The following PCDHAC1 variants were observed in gnomAD, a reference collection of about 807,000 sequenced individuals.
PCDHAC1 encodes protocadherin alpha subfamily C, 1, also known as protocadherin alpha-C1.
PCDHAC1 carries 42 observed loss-of-function variants against 60.0 expected under a neutral mutation model. The observed-to-expected ratio is 0.70, with a 90% CI of 0.55 to 0.90. PCDHAC1 has a LOEUF of 0.90. PCDHAC1 is among the 40% of genes least tolerant of loss of function. PCDHAC1 has a pLI of 0.00. For synonymous variants in PCDHAC1, 468 were observed against 499.3 expected, an observed-to-expected ratio of 0.94 and a Z score of 0.84; for missense variants, 1,160 against 1,222.3, an observed-to-expected ratio of 0.95 and a Z score of 0.76.
chr5:140,958,873 A>G (rs1554223676), intron 1 of PCDHAC1, among the ~76,000 whole-genome samples: 1 of 152,100 alleles, frequency 6.6e-6, no homozygotes, highest in East Asian at 1.9e-4. Context: ...TTTATAAAAG[A>G]ATTGACCAGT....
intron 1 of PCDHAC1, among the ~76,000 whole-genome samples, chr5:140,933,894 A>G (rs2089494206): frequency 6.6e-6 from 1 of 151,894 alleles, no homozygotes; most frequent in Non-Finnish European, 1.5e-5. Context: ...ACTTTTGAAT[A>G]TTTTGGCATA....
In PCDHAC1 at chr5:140,926,570, G is replaced by A. The variant is rs2083360845; in HGVS notation, c.-323G>A. 1 of 267,246 alleles carries A rather than the reference G, an allele frequency of 3.7e-6. No homozygotes were observed. The highest frequency in any genetic ancestry group is 2.2e-5 in the African/African-American group (1 of 45,090). 16.6% of individuals were successfully genotyped at this position (267,246 alleles called of 1,614,324 possible). A position where few individuals can be genotyped will look rare whatever the true frequency, so the allele number is the denominator to read the frequency against. Reference sequence around the variant, plus strand: ...GAGACCCCAGCCCGCTGCTACTGGAGACAGCACCTCTCGCGCCCGGGCGGG... The same window carrying A: ...GAGACCCCAGCCCGCTGCTACTGGAAACAGCACCTCTCGCGCCCGGGCGGG... On this transcript the variant is annotated 5_prime_UTR_variant, in exon 1 of 4. Coordinates refer to ENST00000253807, the MANE Select transcript of PCDHAC1 (RefSeq NM_018898.5).
chr5:140,941,214 C>CTTTCTTTCTTT (rs1554214039), intron 1 of PCDHAC1, among the ~76,000 whole-genome samples: 7,707 of 122,054 alleles, frequency 0.063, 376 homozygotes, highest in South Asian at 0.093. Context: ...TTTCTTTCTT[C>CTTTCTTTCTTT]CTTTCTTTCT....
At chr5:140,946,210 G>C (rs140796631) in intron 1 of PCDHAC1, among the ~76,000 whole-genome samples, 1 of 152,052 alleles carries the variant, frequency 6.6e-6, no homozygotes, top group African/African-American at 2.4e-5. Flanking sequence ...GCACACAAAT[G>C]ACCAACAGGT....
intron 1 of PCDHAC1, 158 bp downstream of exon 1, chr5:140,929,483 G>A: frequency 8.4e-7 from 1 of 1,192,950 alleles, no homozygotes; most frequent in Non-Finnish European, 1.1e-6. Context: ...AAGTATAGAA[G>A]TATTAGAAGA....
intron 1 of PCDHAC1, among the ~76,000 whole-genome samples, chr5:140,955,373 T>C (rs2338310): frequency 0.011 from 1,717 of 152,252 alleles, 30 homozygotes; most frequent in African/African-American, 0.038. Context: ...TGGGAGGTAA[T>C]TGAATCATGG....
rs2098417240 is a variant in PCDHAC1 at position 141,010,418 on chromosome 5, G to A, written c.*481G>A. Reference sequence around the variant, plus strand: ...AGCCAGCTTAGACTAATTGGTACAAGGAAGGCAAGAAAACAAAGACAAATA... The same window carrying A: ...AGCCAGCTTAGACTAATTGGTACAAAGAAGGCAAGAAAACAAAGACAAATA... On this transcript the variant is annotated 3_prime_UTR_variant, in exon 4 of 4. Coordinates refer to ENST00000253807, the MANE Select transcript of PCDHAC1 (RefSeq NM_018898.5). The A allele has an allele frequency of 3.4e-6, 4 of 1,168,142 alleles. No homozygotes were observed. The East Asian group carries it at 1.0e-4, about 30-fold the overall frequency. The allele number at this position is 1,168,142 out of a possible 1,614,324, so 72.4% of individuals were successfully genotyped here. A position where few individuals can be genotyped will look rare whatever the true frequency, so the allele number is the denominator to read the frequency against.
chr5:140,935,257 C>A (rs1200153130), intron 1 of PCDHAC1, among the ~76,000 whole-genome samples: 10 of 152,150 alleles, frequency 6.6e-5, no homozygotes, highest in South Asian at 4.1e-4. Context: ...AAATACATCA[C>A]ATGTTTATAC....
At chr5:141,006,412 A>G (rs1423476125) in intron 3 of PCDHAC1, among the ~76,000 whole-genome samples, 7 of 151,898 alleles carry the variant, frequency 4.6e-5, no homozygotes, top group African/African-American at 1.7e-4. Flanking sequence ...ACGCGGTTTC[A>G]CTGTGTTAGC....
chr5:140,974,720 C>T (rs1554236283), intron 1 of PCDHAC1, among the ~76,000 whole-genome samples: 1 of 152,070 alleles, frequency 6.6e-6, no homozygotes, highest in African/African-American at 2.4e-5. Context: ...AAGCTGCTCT[C>T]GAACTCCTGT....
In PCDHAC1 at chr5:141,010,293, GC is replaced by G; in HGVS notation, c.*357del. The G allele has an allele frequency of 6.5e-7, 1 of 1,549,794 alleles. No individual in the cohort carries two copies. The highest frequency in any genetic ancestry group is 8.7e-7 in the Non-Finnish European group (1 of 1,146,454). On this transcript the variant is annotated 3_prime_UTR_variant, in exon 4 of 4. Transcript: ENST00000253807. ...ATCCTGTCTTGATGACACTTGCAGG[GC>G]AGGCTGAAAAGTTTTGAGATTGAGC...
intron 3 of PCDHAC1, among the ~76,000 whole-genome samples, chr5:141,002,223 T>C (rs2098066619): frequency 6.6e-6 from 1 of 151,974 alleles, no homozygotes. Flanking sequence ...AAATGATGGG[T>C]TTTCTGGAAG....
At chr5:140,976,369 G>A (rs1464114589) in intron 1 of PCDHAC1, among the ~76,000 whole-genome samples, 1 of 151,996 alleles carries the variant, frequency 6.6e-6, no homozygotes, top group Non-Finnish European at 1.5e-5. Flanking sequence ...TGGCCAACAT[G>A]GTGAAACCCC....
chr5:140,991,172 G>T (rs2097436221), intron 3 of PCDHAC1, among the ~76,000 whole-genome samples: 1 of 152,160 alleles, frequency 6.6e-6, no homozygotes, highest in Non-Finnish European at 1.5e-5. Flanking sequence ...CCATTGTCAA[G>T]CAGGATGCCT....
intron 3 of PCDHAC1, among the ~76,000 whole-genome samples, chr5:140,984,016 T>G (rs2153832874): frequency 6.6e-6 from 1 of 152,280 alleles, no homozygotes; most frequent in Non-Finnish European, 1.5e-5. Context: ...TATTGCCAGA[T>G]TGCAAGGGGA....
In PCDHAC1 at chr5:141,010,099, G is replaced by T; in HGVS notation, c.*162G>T. 5 of 1,612,768 alleles carry T rather than the reference G, an allele frequency of 3.1e-6. No individual in the cohort carries two copies. The highest frequency in any genetic ancestry group is 4.2e-6 in the Non-Finnish European group (5 of 1,179,316). On this transcript the variant is annotated 3_prime_UTR_variant, in exon 4 of 4. Coordinates refer to ENST00000253807, the MANE Select transcript of PCDHAC1 (RefSeq NM_018898.5). ...GTGTCTGTCTAGAACGCATTTAACA[G>T]GTTTTGTCGTAAAAGCTTTACTAAG...
At chr5:140,961,205 T>C (rs1215243152) in intron 1 of PCDHAC1, among the ~76,000 whole-genome samples, 2 of 152,172 alleles carry the variant, frequency 1.3e-5, no homozygotes, top group Non-Finnish European at 2.9e-5. Context: ...GAGGTTGGTA[T>C]TGATGAAGAA....
intron 1 of PCDHAC1, among the ~76,000 whole-genome samples, chr5:140,956,942 A>G (rs2153711637): frequency 6.7e-6 from 1 of 148,840 alleles, no homozygotes; most frequent in Admixed American, 6.8e-5. Flanking sequence ...GATAAAATTT[A>G]CATTAAAACA....
intron 1 of PCDHAC1, among the ~76,000 whole-genome samples, chr5:140,937,247 C>T (rs1370735573): frequency 6.6e-6 from 1 of 151,974 alleles, no homozygotes; most frequent in Non-Finnish European, 1.5e-5. Context: ...CCGTGTTAGC[C>T]AGGATGGTCT....
Sources: gnomAD v4.1 joint callset for allele counts (sites outside exome capture counted in the v4.1 genomes callset) on GRCh38, gnomAD v4.1.1 for gene constraint, MANE v1.5 for transcripts, NCBI Gene and HGNC (gene_info 2026-07-23, HGNC 2026-07-21) for gene names.